The following SPON1 variants were observed in gnomAD, a reference collection of about 807,000 sequenced individuals.
The protein encoded by SPON1 is spondin-1.
Under a neutral mutation model 111.7 loss-of-function variants are expected in SPON1, and 52 were observed. That is an observed-to-expected ratio of 0.47 (90% CI 0.37 to 0.59). The LOEUF (loss-of-function observed/expected upper bound fraction) is 0.59, where lower values mean the gene tolerates loss of function less well. Ranked by LOEUF, SPON1 falls within the 20% of genes least tolerant of loss-of-function variation. The pLI, the probability that SPON1 is intolerant of heterozygous loss-of-function variation, is 0.00. For missense variants in SPON1, 957 were observed against 1,068.5 expected (o/e 0.90, Z 1.46); for synonymous variants, 410 against 395.8 (o/e 1.04, Z -0.43).
chr11:14,048,623 T>C (rs1554918115), intron 3 of SPON1, among the ~76,000 whole-genome samples: 3 of 152,214 alleles, frequency 2.0e-5, no homozygotes, highest in African/African-American at 7.2e-5. Context: ...GACTTCTCCC[T>C]ACAAATGAGC....
intron 6 of SPON1, among the ~76,000 whole-genome samples, chr11:14,136,463 C>T (rs782580082): frequency 4.6e-5 from 7 of 152,194 alleles, no homozygotes; most frequent in Non-Finnish European, 8.8e-5. Flanking sequence ...TCTCCTGAAA[C>T]AATGCAGGAG....
intron 2 of SPON1, among the ~76,000 whole-genome samples, chr11:13,984,694 TAGC>T (rs1848168943): frequency 6.6e-6 from 1 of 152,222 alleles, no homozygotes; most frequent in African/African-American, 2.4e-5. Flanking sequence ...ATTCAAACCA[TAGC>T]AGCACTGTTC....
intron 5 of SPON1, among the ~76,000 whole-genome samples, chr11:14,114,000 C>T (rs1283635519): frequency 6.6e-6 from 1 of 152,144 alleles, no homozygotes; most frequent in Non-Finnish European, 1.5e-5. Context: ...GAAATAAACA[C>T]ATCATGGGTA....
At chr11:14,248,005 G>T (rs1849010634) in intron 7 of SPON1, among the ~76,000 whole-genome samples, 1 of 152,176 alleles carries the variant, frequency 6.6e-6, no homozygotes, top group Admixed American at 6.5e-5. Context: ...GAATGTTGAG[G>T]AATCTTGCCT....
At chr11:14,115,731 A>G (rs1849261977) in intron 5 of SPON1, among the ~76,000 whole-genome samples, 1 of 152,126 alleles carries the variant, frequency 6.6e-6, no homozygotes, top group Admixed American at 6.6e-5. Flanking sequence ...GCTATATGCT[A>G]TATCCATTCA....
At chr11:13,990,231 GTATTGGGTGCACA>G (rs1270268282) in intron 2 of SPON1, among the ~76,000 whole-genome samples, 2 of 152,094 alleles carry the variant, frequency 1.3e-5, no homozygotes, top group African/African-American at 2.4e-5. Flanking sequence ...GAGTGCTCCT[GTATTGGGTGCACA>G]TATATTTAGG....
intron 6 of SPON1, among the ~76,000 whole-genome samples, chr11:14,209,461 T>C (rs543134534): frequency 6.6e-6 from 1 of 152,228 alleles, no homozygotes; most frequent in South Asian, 2.1e-4. Flanking sequence ...CCTCCCTGTG[T>C]CCATGTGTTC....
At chr11:13,987,809 A>G (rs1470139449) in intron 2 of SPON1, among the ~76,000 whole-genome samples, 2 of 152,202 alleles carry the variant, frequency 1.3e-5, no homozygotes, top group Admixed American at 1.3e-4. Flanking sequence ...TAAATAAGCA[A>G]TGGGGAAAAG....
intron 6 of SPON1, among the ~76,000 whole-genome samples, chr11:14,178,057 CA>C (rs1848198314): frequency 6.6e-6 from 1 of 150,894 alleles, no homozygotes; most frequent in African/African-American, 2.5e-5. Context: ...CACACACACA[CA>C]CACACACACA....
chr11:14,170,035 AG>A (rs540662359), intron 6 of SPON1, among the ~76,000 whole-genome samples: 189 of 152,308 alleles, frequency 1.2e-3, no homozygotes, highest in African/African-American at 4.4e-3. Context: ...CTGTGAAGAA[AG>A]TCATTGGTAG....
In SPON1 at chr11:14,161,823, A is replaced by G. The variant is rs185991195; in HGVS notation, c.825+26255A>G. Among the ~76,000 whole-genome samples the G allele has an allele frequency of 7.9e-5, 12 of 152,276 alleles. No homozygotes were observed. In the East Asian group the frequency reaches 1.5e-3, roughly 20 times the overall value. The stretch of plus-strand genomic sequence containing the variant: ...AAAGTCAAAAATTATAAGTTGAACC[A>G]TCATAAGATGGGGACTATCTGTATA... On this transcript the variant is annotated intron_variant, in intron 6 of 15. Coordinates refer to ENST00000576479, the MANE Select transcript of SPON1 (RefSeq NM_006108.4).
intron 3 of SPON1, among the ~76,000 whole-genome samples, chr11:14,066,280 C>T (rs1374498072): frequency 2.0e-5 from 3 of 152,138 alleles, no homozygotes; most frequent in Non-Finnish European, 2.9e-5. Context: ...ATGTGAGATA[C>T]TGCCTTCACC....
At chr11:14,130,522 C>A (rs959079533) in intron 5 of SPON1, among the ~76,000 whole-genome samples, 1 of 151,924 alleles carries the variant, frequency 6.6e-6, no homozygotes, top group East Asian at 1.9e-4. Flanking sequence ...TTAGTTAAAT[C>A]TTTTGAAATT....
chr11:14,231,842 T>C (rs185573312), intron 6 of SPON1, among the ~76,000 whole-genome samples: 2 of 152,180 alleles, frequency 1.3e-5, no homozygotes, highest in East Asian at 3.9e-4. Context: ...CGTGTGTGTG[T>C]GTGTGAGTTT....
At chr11:14,002,537 G>A (rs1205610929) in intron 2 of SPON1, among the ~76,000 whole-genome samples, 2 of 152,188 alleles carry the variant, frequency 1.3e-5, no homozygotes, top group African/African-American at 4.8e-5. Context: ...GATGGAGCAA[G>A]TGCAGGAGGA....
intron 6 of SPON1, among the ~76,000 whole-genome samples, chr11:14,209,788 G>C (rs543184096): frequency 6.6e-6 from 1 of 152,206 alleles, no homozygotes; most frequent in Non-Finnish European, 1.5e-5. Context: ...GTAATGGATT[G>C]CTGGGTCAAA....
chr11:14,022,818 C>T (rs1425201197), intron 2 of SPON1, among the ~76,000 whole-genome samples: 1 of 152,196 alleles, frequency 6.6e-6, no homozygotes, highest in African/African-American at 2.4e-5. Context: ...CCCATACATT[C>T]GACTTTATCC....
chr11:14,222,639 C>T (rs1451153213), intron 6 of SPON1, among the ~76,000 whole-genome samples: 1 of 152,194 alleles, frequency 6.6e-6, no homozygotes, highest in African/African-American at 2.4e-5. Flanking sequence ...AATCCTCCCT[C>T]ATCTGTATGT....
chr11:14,187,795 T>C (rs1848302401), intron 6 of SPON1, among the ~76,000 whole-genome samples: 1 of 151,514 alleles, frequency 6.6e-6, no homozygotes, highest in Non-Finnish European at 1.5e-5. Context: ...TTTTTTTTGT[T>C]TGAGATGGAG....
Sources: allele counts gnomAD v4.1 joint callset (sites outside exome capture counted in the v4.1 genomes callset), GRCh38; gene constraint gnomAD v4.1.1; transcripts MANE v1.5; gene names NCBI Gene and HGNC (gene_info 2026-07-23, HGNC 2026-07-21).